ALG9: variants seen among roughly 807,000 people sequenced by gnomAD.
ALG9 encodes alpha-1,2-mannosyltransferase ALG9.
Under a neutral mutation model 81.8 loss-of-function variants are expected in ALG9, and 55 were observed. That is an observed-to-expected ratio of 0.67 (90% CI 0.54 to 0.84). ALG9 has a LOEUF of 0.84. ALG9 is among the 40% of genes least tolerant of loss of function. The probability of loss-of-function intolerance (pLI) is 0.00; values close to 1 mark genes in which losing one functional copy is unlikely to be tolerated. For synonymous variants in ALG9, 278 were observed against 274.3 expected (o/e 1.01, Z -0.13); for missense variants, 629 against 745.0 (o/e 0.84, Z 1.81).
At chr11:111,864,538 T>G in intron 4 of ALG9, 1 of 637,616 alleles carries the variant, frequency 1.6e-6, no homozygotes, top group East Asian at 2.8e-5. Context: ...ATTTGAAGCC[T>G]GTACAAAAGC....
chr11:111,776,928 T>C, the ALG9 span, among the ~76,000 whole-genome samples: 1 of 152,262 alleles, frequency 6.6e-6, no homozygotes, highest in East Asian at 1.9e-4. Flanking sequence ...TAAATGCTTC[T>C]ACTTTCCCTT....
intron 14 of ALG9, among the ~76,000 whole-genome samples, chr11:111,799,446 CT>C (rs35858293): frequency 0.054 from 7,565 of 141,352 alleles, 464 homozygotes; most frequent in African/African-American, 0.15. Flanking sequence ...CGGCTGATTC[CT>C]TTTTTTTTTT....
intron 13 of ALG9, among the ~76,000 whole-genome samples, chr11:111,825,008 T>C (rs1952992823): frequency 1.3e-5 from 2 of 152,212 alleles, no homozygotes; most frequent in Non-Finnish European, 2.9e-5. Flanking sequence ...AGGACACAAA[T>C]CTGCCAAATA....
chr11:111,850,016 C>T (rs1401812982), intron 8 of ALG9, among the ~76,000 whole-genome samples: 1 of 152,128 alleles, frequency 6.6e-6, no homozygotes, highest in African/African-American at 2.4e-5. Context: ...CATGCTATCT[C>T]GCTGTCTGAC....
At chr11:111,861,765 T>G (rs557927049) in intron 4 of ALG9, among the ~76,000 whole-genome samples, 19 of 152,300 alleles carry the variant, frequency 1.2e-4, no homozygotes, top group Admixed American at 1.1e-3. Context: ...ATTACAGGCT[T>G]CTTCCTTTTT....
intron 14 of ALG9, among the ~76,000 whole-genome samples, chr11:111,794,683 TCCACCCATCCATCCAA>T (rs1291572025): frequency 2.0e-5 from 3 of 152,054 alleles, no homozygotes; most frequent in Non-Finnish European, 4.4e-5. Context: ...CATCCATCCA[TCCACCCATCCATCCAA>T]GCATTAATAT....
At chr11:111,788,619 C>G (rs1228250459) in intron 14 of ALG9, 1 of 374,302 alleles carries the variant, frequency 2.7e-6, no homozygotes, top group African/African-American at 2.1e-5. Context: ...GTGGCACACA[C>G]CCGCAGTCCC....
chr11:111,813,773 A>G (rs1319777271), intron 13 of ALG9, among the ~76,000 whole-genome samples: 1 of 152,238 alleles, frequency 6.6e-6, no homozygotes, highest in Non-Finnish European at 1.5e-5. Flanking sequence ...GTAACCAGCA[A>G]ATGCAAATGA....
intron 13 of ALG9, among the ~76,000 whole-genome samples, chr11:111,818,065 C>T (rs1173886243): frequency 6.6e-6 from 1 of 152,184 alleles, no homozygotes; most frequent in Admixed American, 6.5e-5. Flanking sequence ...AGGCGTGAGC[C>T]ACCACACCTG....
At chr11:111,871,096 C>A in intron 1 of ALG9, 1 of 1,223,492 alleles carries the variant, frequency 8.2e-7, no homozygotes, top group Non-Finnish European at 1.0e-6. Context: ...TGTGCCCACT[C>A]TAGGCCTGGC....
downstream of ALG9, among the ~76,000 whole-genome samples, chr11:111,778,536 C>G (rs1555055927): frequency 6.6e-6 from 1 of 152,108 alleles, no homozygotes; most frequent in Non-Finnish European, 1.5e-5. Context: ...AGAAATAGGT[C>G]TGTGGTGGGG....
At chr11:111,849,324 T>A (rs1555134644) in intron 8 of ALG9, 1 of 152,242 alleles carries the variant, frequency 6.6e-6, no homozygotes, top group Non-Finnish European at 1.5e-5. Context: ...GTGCTGGGAT[T>A]ACAGGCGTGA....
chr11:111,793,210 G>A (rs575099763), intron 14 of ALG9, among the ~76,000 whole-genome samples: 1 of 152,100 alleles, frequency 6.6e-6, no homozygotes, highest in Non-Finnish European at 1.5e-5. Context: ...TCAAACTCCC[G>A]GGCTCAAGCA....
chr11:111,803,437 G>A (rs1555082172), intron 14 of ALG9, among the ~76,000 whole-genome samples: 1 of 151,356 alleles, frequency 6.6e-6, no homozygotes, highest in East Asian at 1.9e-4. Context: ...GGAGGCAGAG[G>A]TTGCAACAAG....
At chr11:111,768,382 GTT>G in the ALG9 span, among the ~76,000 whole-genome samples, 4 of 150,872 alleles carry the variant, frequency 2.7e-5, no homozygotes, top group African/African-American at 9.7e-5. Flanking sequence ...ATTTGTTGTG[GTT>G]TTTTTTTAGC....
chr11:111,809,699 T>A lies in ALG9; in HGVS notation c.1677A>T (p.Ser559=), dbSNP rs1312484021. The change falls in exon 14 of 15, where the codon TCA becomes TCT. Residue 559 remains serine, a synonymous_variant. Transcript: ENST00000616540. Reference sequence around the variant, plus strand: ...AGCTGATCCATTCTTCTTTATTGGATGAATATTTTGGCTCCCGGGGTGTTT... The same window carrying A: ...AGCTGATCCATTCTTCTTTATTGGAAGAATATTTTGGCTCCCGGGGTGTTT... ...MRETPREPKY[S]SNKEEWISLA... 6.2e-7 allele frequency: 1 copy of A among 1,614,052 alleles called. No individual in the cohort carries two copies. The highest frequency in any genetic ancestry group is 1.3e-5 in the African/African-American group (1 of 74,932).
Position 111,859,509 on chromosome 11 carries a change from AAAAAG to A in ALG9, c.565+1033_565+1037del, listed in dbSNP as rs561930644. The stretch of plus-strand genomic sequence containing the variant: ...ACAGAGCGAGACTCTTGTCTCAAAA[AAAAAG>A]AAAAGAAAAGAAAAGAAAAAAAGTA... On this transcript the variant is annotated intron_variant, in intron 5 of 14. Transcript: ENST00000616540. 3.3e-3 allele frequency among the ~76,000 whole-genome samples: 506 copies of A among 152,172 alleles called. 5 individuals carry two copies. Among genetic ancestry groups the A allele is most frequent in the African/African-American group, 0.011 (451 of 41,516 alleles).
intron 13 of ALG9, chr11:111,829,213 C>A (rs1555111480): frequency 6.6e-6 from 1 of 151,852 alleles, no homozygotes; most frequent in Non-Finnish European, 1.5e-5. Flanking sequence ...TTTTTTGTTT[C>A]TTCAGATTTA....
chr11:111,807,585 C>T lies in ALG9; in HGVS notation c.1733+2058G>A, dbSNP rs566371592. On this transcript the variant is annotated intron_variant, in intron 14 of 14. Transcript: ENST00000616540. ...CTTATTTTCTTGTATATTATGTCTT[C>T]CCTACCCACCTCCAAACAGTAAGCT... Among the ~76,000 whole-genome samples, 89 of 152,284 alleles carry T rather than the reference C, an allele frequency of 5.8e-4. 1 individual carries two copies. Among genetic ancestry groups the T allele is most frequent in the South Asian group, 4.4e-3 (21 of 4,826 alleles).
Sources: gnomAD v4.1 joint callset for allele counts (sites outside exome capture counted in the v4.1 genomes callset) on GRCh38, gnomAD v4.1.1 for gene constraint, MANE v1.5 for transcripts, NCBI Gene and HGNC (gene_info 2026-07-23, HGNC 2026-07-21) for gene names.